Variants in SNTG1 observed in about 807,000 individuals in gnomAD.
SNTG1 encodes syntrophin gamma 1.
A neutral mutation model predicts 74.7 loss-of-function variants in SNTG1; 39 were observed. The ratio of observed to expected loss-of-function variants is 0.52; its 90% CI spans 0.40 to 0.68. SNTG1 has a LOEUF of 0.68. SNTG1 is among the 30% of genes least tolerant of loss of function. The pLI is 0.00. For missense variants in SNTG1, 685 were observed against 609.5 expected (o/e 1.12, Z -1.30); for synonymous variants, 254 against 217.1 (o/e 1.17, Z -1.49).
intron 3 of SNTG1, among the ~76,000 whole-genome samples, chr8:50,395,657 C>T (rs952580490): frequency 1.3e-5 from 2 of 151,906 alleles, no homozygotes; most frequent in African/African-American, 4.8e-5. Flanking sequence ...GTGCCTGCCA[C>T]CACGCCAGGC....
At chr8:50,454,483 C>T (rs2093485090) in intron 8 of SNTG1, among the ~76,000 whole-genome samples, 2 of 151,796 alleles carry the variant, frequency 1.3e-5, no homozygotes, top group Admixed American at 6.6e-5. Context: ...GGTGACAGAG[C>T]AAGACTCAGT....
At chr8:50,479,932 G>A (rs1046763855) in intron 8 of SNTG1, among the ~76,000 whole-genome samples, 2 of 152,042 alleles carry the variant, frequency 1.3e-5, no homozygotes, top group African/African-American at 4.8e-5. Context: ...TCCTTGAAGA[G>A]GTTCAGTAAA....
intron 1 of SNTG1, among the ~76,000 whole-genome samples, chr8:50,108,202 A>G (rs1487593823): frequency 6.6e-6 from 1 of 152,218 alleles, no homozygotes; most frequent in Non-Finnish European, 1.5e-5. Flanking sequence ...AGAGGCATTG[A>G]AGAAAGATAG....
chr8:49,953,167 CAACATTTAGAAG>C (rs1426748387), intron 1 of SNTG1, among the ~76,000 whole-genome samples: 2 of 152,098 alleles, frequency 1.3e-5, no homozygotes, highest in African/African-American at 2.4e-5. Flanking sequence ...TGAAGAACTC[CAACATTTAGAAG>C]AACAAAGTAA....
In SNTG1 at chr8:50,776,148, C is replaced by T. The variant is rs182429454; in HGVS notation, c.1396-16523C>T. Among the ~76,000 whole-genome samples the T allele has an allele frequency of 9.0e-4, 136 of 150,770 alleles. 2 individuals carry two copies. The highest frequency in any genetic ancestry group is 4.2e-3 in the Middle Eastern group (1 of 240). On this transcript the variant is annotated intron_variant, in intron 18 of 18. Transcript: ENST00000642720. Reference sequence around the variant, plus strand: ...TAATTATATATTTGAATTTTGTTCTCTCTCTTTTCCATTTTTCTGTTTTAA... The same window carrying T: ...TAATTATATATTTGAATTTTGTTCTTTCTCTTTTCCATTTTTCTGTTTTAA...
At chr8:50,271,575 A>T (rs2087782767) in intron 2 of SNTG1, among the ~76,000 whole-genome samples, 3 of 152,144 alleles carry the variant, frequency 2.0e-5, no homozygotes, top group Admixed American at 6.6e-5. Context: ...TCTTATAACT[A>T]TTGGCTTTCC....
intron 13 of SNTG1, among the ~76,000 whole-genome samples, chr8:50,591,835 T>TAAGTCCCTCTGCCCTGAGCCA (rs1371554893): frequency 1.1e-4 from 17 of 152,296 alleles, no homozygotes; most frequent in Middle Eastern, 6.8e-3. Flanking sequence ...CCTCCTACCT[T>TAAGTCCCTCTGCCCTGAGCCA]AAGTCCCTCT....
At chr8:50,771,024 G>A (rs2095625820) in intron 18 of SNTG1, among the ~76,000 whole-genome samples, 1 of 152,100 alleles carries the variant, frequency 6.6e-6, no homozygotes, top group South Asian at 2.1e-4. Flanking sequence ...TCTCAAGTAT[G>A]CTGTTATAGC....
chr8:50,459,766 T>C (rs895565791), intron 8 of SNTG1, among the ~76,000 whole-genome samples: 6 of 152,206 alleles, frequency 3.9e-5, no homozygotes, highest in African/African-American at 1.4e-4. Flanking sequence ...ACATGTAGTA[T>C]TTGGTTTTCT....
intron 2 of SNTG1, among the ~76,000 whole-genome samples, chr8:50,269,330 A>G (rs2087654095): frequency 6.6e-6 from 1 of 152,200 alleles, no homozygotes; most frequent in African/African-American, 2.4e-5. Context: ...AAATAATATA[A>G]TATCTAGAAT....
intron 1 of SNTG1, among the ~76,000 whole-genome samples, chr8:50,156,758 A>C (rs2082267428): frequency 6.6e-6 from 1 of 152,114 alleles, no homozygotes; most frequent in African/African-American, 2.4e-5. Context: ...AATTGTGAAT[A>C]AGTACATGAA....
intron 1 of SNTG1, among the ~76,000 whole-genome samples, chr8:49,951,544 T>G (rs1809701026): frequency 6.9e-6 from 1 of 144,778 alleles, no homozygotes; most frequent in Non-Finnish European, 1.5e-5. Flanking sequence ...CACTCATAGG[T>G]GGGAATTGAA....
intron 15 of SNTG1, among the ~76,000 whole-genome samples, chr8:50,699,017 C>A (rs1382144634): frequency 6.6e-6 from 1 of 152,078 alleles, no homozygotes; most frequent in Non-Finnish European, 1.5e-5. Flanking sequence ...TGTGTTCTCT[C>A]TTGGATAATA....
rs1397670605 is a variant in SNTG1, at chr8:50,394,236, C to A, written c.-3C>A. The A allele has an allele frequency of 4.3e-6, 7 of 1,612,900 alleles. No individual in the cohort carries two copies. The highest frequency in any genetic ancestry group is 5.9e-6 in the Non-Finnish European group (7 of 1,179,382). On this transcript the variant is annotated 5_prime_UTR_variant, in exon 3 of 19. Transcript: ENST00000642720. ...GACGACATCCTTTGTGGTGCCACAG[C>A]ACATGGATTTCAGAACCGCCTGTGA...
chr8:49,981,117 T>G (rs778838079), intron 1 of SNTG1, among the ~76,000 whole-genome samples: 3 of 152,172 alleles, frequency 2.0e-5, no homozygotes, highest in Non-Finnish European at 4.4e-5. Flanking sequence ...TTGAATCTCC[T>G]GGCAGGCCAG....
At chr8:50,776,718 C>T (rs1240057150) in intron 18 of SNTG1, among the ~76,000 whole-genome samples, 1 of 151,626 alleles carries the variant, frequency 6.6e-6, no homozygotes, top group Non-Finnish European at 1.5e-5. Flanking sequence ...AAGATAGCTT[C>T]TATAATTATT....
At position 50,356,126 on chromosome 8, in the gene SNTG1, C is replaced by T. The variant is rs762561475; in HGVS notation, c.-27-38086C>T. Among the ~76,000 whole-genome samples, 3 of 151,926 alleles carry T rather than the reference C, an allele frequency of 2.0e-5. No homozygotes were observed. In the East Asian group the frequency reaches 5.8e-4, roughly 29 times the overall value. On this transcript the variant is annotated intron_variant, in intron 2 of 18. Coordinates refer to ENST00000642720, the MANE Select transcript of SNTG1 (RefSeq NM_018967.5). ...TTTCCATCCATGTGCAGTTTTAACT[C>T]GGTGGGTTTGTTTTTTTCAATACAT...
intron 1 of SNTG1, among the ~76,000 whole-genome samples, chr8:49,945,455 C>A (rs1430541562): frequency 3.3e-5 from 5 of 152,174 alleles, no homozygotes; most frequent in South Asian, 2.1e-4. Flanking sequence ...ATTCATTTAA[C>A]CTTTCGTCAT....
chr8:49,912,074 G>A lies in SNTG1; in HGVS notation c.-260G>A, dbSNP rs1411045274. 1 of 152,212 alleles carries A rather than the reference G, an allele frequency of 6.6e-6. No homozygotes were observed. The highest frequency in any genetic ancestry group is 1.5e-5 in the Non-Finnish European group (1 of 68,092). 9.4% of individuals were successfully genotyped at this position (152,212 alleles called of 1,614,324 possible). A position where few individuals can be genotyped will look rare whatever the true frequency, so the allele number is the denominator to read the frequency against. ...AGAAATCATGGGCCGTGCGGTAGGG[G>A]TTGAAATGCTCAAAGGTCCACACTT... On this transcript the variant is annotated 5_prime_UTR_variant, in exon 1 of 19. Transcript: ENST00000642720.
Sources: gnomAD v4.1 joint callset for allele counts (sites outside exome capture counted in the v4.1 genomes callset) on GRCh38, gnomAD v4.1.1 for gene constraint, MANE v1.5 for transcripts, NCBI Gene and HGNC (gene_info 2026-07-23, HGNC 2026-07-21) for gene names.